Variants in ARL15 observed in about 807,000 individuals in gnomAD.
The protein encoded by ARL15 is ARF like GTPase 15, also known as ADP-ribosylation factor-like protein 15.
ARL15 carries 19 observed loss-of-function variants against 25.2 expected under a neutral mutation model. The observed-to-expected ratio is 0.75, with a 90% CI of 0.53 to 1.10. ARL15 has a LOEUF of 1.10. ARL15 is among the 50% of genes least tolerant of loss of function. The pLI, the probability that ARL15 is intolerant of heterozygous loss-of-function variation, is 0.00. For missense variants in ARL15, 220 were observed against 246.0 expected, an observed-to-expected ratio of 0.89 and a Z score of 0.71; for synonymous variants, 94 against 86.8, an observed-to-expected ratio of 1.08 and a Z score of -0.46.
intron 4 of ARL15, among the ~76,000 whole-genome samples, chr5:54,102,124 T>C (rs1389704231): frequency 6.6e-6 from 1 of 151,780 alleles, no homozygotes; most frequent in Non-Finnish European, 1.5e-5. Context: ...GTAATTCTCA[T>C]GCCTCAGCCT....
At chr5:54,186,573 CTCTT>C (rs1755246633) in intron 1 of ARL15, among the ~76,000 whole-genome samples, 1 of 152,200 alleles carries the variant, frequency 6.6e-6, no homozygotes, top group Non-Finnish European at 1.5e-5. Context: ...GTCAGCTGAT[CTCTT>C]TCAGCACCCA....
intron 3 of ARL15, among the ~76,000 whole-genome samples, chr5:54,148,028 G>T (rs528456636): frequency 6.6e-6 from 1 of 152,208 alleles, no homozygotes. Context: ...GTGAAAATGC[G>T]TAAGATAAAA....
chr5:53,964,566 T>C (rs372227426), intron 4 of ARL15, among the ~76,000 whole-genome samples: 2 of 152,132 alleles, frequency 1.3e-5, no homozygotes, highest in South Asian at 2.1e-4. Context: ...TTCACCGTGT[T>C]AGCCAGGATG....
chr5:54,157,099 A>C (rs1000175247), intron 2 of ARL15, among the ~76,000 whole-genome samples: 2 of 152,240 alleles, frequency 1.3e-5, no homozygotes, highest in African/African-American at 4.8e-5. Flanking sequence ...GGACAACTCA[A>C]GTGTAGATTT....
chr5:54,178,602 T>C (rs745441842), intron 1 of ARL15, among the ~76,000 whole-genome samples: 10 of 152,184 alleles, frequency 6.6e-5, no homozygotes, highest in Non-Finnish European at 1.3e-4. Context: ...ATTTCTTACA[T>C]AGTTGGCTTC....
intron 3 of ARL15, among the ~76,000 whole-genome samples, chr5:54,116,137 A>G (rs1441065304): frequency 6.6e-6 from 1 of 152,186 alleles, no homozygotes; most frequent in Admixed American, 6.5e-5. Flanking sequence ...ACCCTTGTAT[A>G]GTCATTAGCC....
At chr5:54,281,103 C>T (rs916555095) in intron 1 of ARL15, among the ~76,000 whole-genome samples, 8 of 152,044 alleles carry the variant, frequency 5.3e-5, no homozygotes, top group South Asian at 2.1e-4. Context: ...AAACACTGTG[C>T]GCTCACCATT....
intron 3 of ARL15, among the ~76,000 whole-genome samples, chr5:54,142,695 T>A (rs975122032): frequency 2.6e-5 from 4 of 152,152 alleles, no homozygotes; most frequent in African/African-American, 9.7e-5. Context: ...CATGCTCTTA[T>A]GTTAATAGTG....
intron 4 of ARL15, among the ~76,000 whole-genome samples, chr5:53,939,462 C>A (rs978923185): frequency 6.6e-5 from 10 of 152,134 alleles, no homozygotes; most frequent in African/African-American, 2.4e-4. Context: ...CTGGGCCGGG[C>A]GCGATGGCTC....
chr5:54,093,416 A>G (rs1381264626), intron 4 of ARL15, among the ~76,000 whole-genome samples: 1 of 152,120 alleles, frequency 6.6e-6, no homozygotes, highest in Non-Finnish European at 1.5e-5. Context: ...CCCCAGGGTA[A>G]GGATGTGACA....
At chr5:54,094,935 C>A (rs951803569) in intron 4 of ARL15, among the ~76,000 whole-genome samples, 1 of 152,198 alleles carries the variant, frequency 6.6e-6, no homozygotes, top group South Asian at 2.1e-4. Context: ...CAGCAGCCTT[C>A]TTTGAATATC....
At chr5:54,156,998 G>C (rs1754254060) in intron 2 of ARL15, among the ~76,000 whole-genome samples, 2 of 152,202 alleles carry the variant, frequency 1.3e-5, no homozygotes, top group South Asian at 4.1e-4. Context: ...CCTCACACGG[G>C]TGTTATATGG....
chr5:54,258,625 G>A (rs1757425392), intron 1 of ARL15, among the ~76,000 whole-genome samples: 1 of 152,092 alleles, frequency 6.6e-6, no homozygotes, highest in Non-Finnish European at 1.5e-5. Context: ...AATTCCCCAG[G>A]GCACTTAATT....
chr5:53,918,211 G>A (rs1228127533), intron 4 of ARL15, among the ~76,000 whole-genome samples: 2 of 151,946 alleles, frequency 1.3e-5, no homozygotes, highest in Non-Finnish European at 2.9e-5. Context: ...ATTTAGACAG[G>A]GTCTCACTCT....
intron 4 of ARL15, among the ~76,000 whole-genome samples, chr5:53,944,499 G>A (rs974528239): frequency 6.6e-6 from 1 of 151,942 alleles, no homozygotes; most frequent in African/African-American, 2.4e-5. Context: ...GGCTGAGGTG[G>A]GAGGATCACC....
intron 4 of ARL15, among the ~76,000 whole-genome samples, chr5:54,087,085 G>A (rs376882951): frequency 5.3e-5 from 8 of 151,972 alleles, no homozygotes; most frequent in South Asian, 2.1e-4. Flanking sequence ...GCCTGTAATC[G>A]CAGCACTTTG....
intron 1 of ARL15, among the ~76,000 whole-genome samples, chr5:54,276,830 G>A (rs957783270): frequency 2.6e-5 from 4 of 152,198 alleles, no homozygotes; most frequent in Non-Finnish European, 1.5e-5. Flanking sequence ...ATTGCCAGAA[G>A]GGGCCATGAG....
rs185442700 is a variant in ARL15, at chr5:54,270,619, A to C, written c.48+39813T>G. Among the ~76,000 whole-genome samples, 183 of 152,358 alleles carry C rather than the reference A, an allele frequency of 1.2e-3. 1 individual carries two copies. The highest frequency in any genetic ancestry group is 4.2e-3 in the African/African-American group (174 of 41,586). ...GCACTGGAGATACAGCAATGAACAA[A>C]ACAAGAAATCCCCTGCCCTCATGGC... On this transcript the variant is annotated intron_variant, in intron 1 of 4. Transcript: ENST00000504924.
chr5:54,253,079 C>T (rs902517691), intron 1 of ARL15, among the ~76,000 whole-genome samples: 4 of 151,980 alleles, frequency 2.6e-5, no homozygotes, highest in Non-Finnish European at 4.4e-5. Flanking sequence ...GGGACAATTA[C>T]AATCATTGTT....
Sources: allele counts gnomAD v4.1 joint callset (sites outside exome capture counted in the v4.1 genomes callset), GRCh38; gene constraint gnomAD v4.1.1; transcripts MANE v1.5; gene names NCBI Gene and HGNC (gene_info 2026-07-23, HGNC 2026-07-21).